USP39: variants seen among roughly 807,000 people sequenced by gnomAD.
USP39 encodes the protein ubiquitin specific peptidase 39, also known as ubiquitin carboxyl-terminal hydrolase 39.
Under a neutral mutation model 66.4 loss-of-function variants are expected in USP39, and 38 were observed. The ratio of observed to expected loss-of-function variants is 0.57; its 90% CI spans 0.44 to 0.75. The LOEUF (loss-of-function observed/expected upper bound fraction) is 0.75. USP39 is among the 30% of genes least tolerant of loss of function. USP39 has a pLI of 0.00. For synonymous variants in USP39, 303 were observed against 274.6 expected, an observed-to-expected ratio of 1.10 and a Z score of -1.02; for missense variants, 608 against 714.4, an observed-to-expected ratio of 0.85 and a Z score of 1.70.
At chr2:85,627,736 C>T (rs189121332) in intron 5 of USP39, among the ~76,000 whole-genome samples, 60 of 151,830 alleles carry the variant, frequency 4.0e-4, no homozygotes, top group African/African-American at 1.4e-3. Context: ...GAGTTCGAGG[C>T]TGTTGGAGAA....
chr2:85,645,227 T>G lies in USP39; in HGVS notation c.1563+144T>G. 3.4e-6 allele frequency: 4 copies of G among 1,171,310 alleles called. No homozygotes were observed. In the South Asian group the frequency reaches 6.3e-5, roughly 18 times the overall value. The allele number at this position is 1,171,310 out of a possible 1,614,324, so 72.6% of individuals were successfully genotyped here. A position where few individuals can be genotyped will look rare whatever the true frequency, so the allele number is the denominator to read the frequency against. On this transcript the variant is annotated intron_variant, in intron 11 of 12. Coordinates refer to ENST00000323701, the MANE Select transcript of USP39 (RefSeq NM_006590.4). ...AGTAATAGTGCTGTCAGTAGTTAGT[T>G]TAAGGCAGTGGTTCTCAATTTTGGC...
intron 2 of USP39, 178 bp from the exon 3 acceptor site, chr2:85,621,307 T>C: frequency 1.8e-6 from 1 of 565,132 alleles, no homozygotes; most frequent in South Asian, 2.1e-5. Context: ...CAACAGTGCT[T>C]TGGAGCATGG....
intron 1 of USP39, among the ~76,000 whole-genome samples, chr2:85,617,299 G>A (rs1288911317): frequency 6.6e-6 from 1 of 152,096 alleles, no homozygotes; most frequent in Admixed American, 6.6e-5. Context: ...CTGTAATCAA[G>A]ATATTCAGAA....
At chr2:85,609,342 T>C, upstream of USP39, 2 of 1,517,880 alleles carry the variant, frequency 1.3e-6, no homozygotes, top group Non-Finnish European at 1.8e-6. Context: ...CGCTTCCCAT[T>C]GGGGGTCCTG....
In USP39 at chr2:85,636,041, C is replaced by CT. The variant is rs770954035; in HGVS notation, c.950-5dup. On this transcript the variant is annotated splice_polypyrimidine_tract_variant and intron_variant, in intron 6 of 12. Coordinates refer to ENST00000323701, the MANE Select transcript of USP39 (RefSeq NM_006590.4). ...TTAGCTTCAACGTTTTCCACCCTTC[C>CT]TTTTTTTCCAGGAGATGGCGTTGAC... 8 of 1,611,892 alleles carry CT rather than the reference C, an allele frequency of 5.0e-6. No individual in the cohort carries two copies. Among genetic ancestry groups the CT allele is most frequent in the Non-Finnish European group, 5.1e-6 (6 of 1,178,016 alleles).
At chr2:85,612,202 A>G, upstream of USP39, 1 of 1,104,790 alleles carries the variant, frequency 9.1e-7, no homozygotes, top group Non-Finnish European at 1.3e-6. Context: ...CCCCGGACGG[A>G]GGGCTTTTGT....
upstream of USP39, chr2:85,612,337 G>A: frequency 6.5e-7 from 1 of 1,536,038 alleles, no homozygotes; most frequent in South Asian, 1.2e-5. Context: ...TGCTTACGGC[G>A]GTGCCTTCCC....
At chr2:85,620,491 C>A (rs1485557094) in intron 2 of USP39, among the ~76,000 whole-genome samples, 1 of 150,968 alleles carries the variant, frequency 6.6e-6, no homozygotes, top group African/African-American at 2.4e-5. Context: ...AAAAAAAAAA[C>A]CAAAAAAGTT....
chr2:85,641,748 C>G (rs989544562), intron 10 of USP39, among the ~76,000 whole-genome samples: 3 of 151,298 alleles, frequency 2.0e-5, no homozygotes, highest in Admixed American at 2.0e-4. Context: ...CAAAAAAATA[C>G]AAAAAATTAG....
At chr2:85,604,456 C>A (rs1026313249) in intron 1 of USP39, among the ~76,000 whole-genome samples, 1 of 152,182 alleles carries the variant, frequency 6.6e-6, no homozygotes, top group Non-Finnish European at 1.5e-5. Flanking sequence ...AGGTGATCCG[C>A]TCGCCTTGGC....
upstream of USP39, among the ~76,000 whole-genome samples, chr2:85,613,344 T>TA (rs932680471): frequency 3.0e-4 from 45 of 150,748 alleles, no homozygotes; most frequent in African/African-American, 8.5e-4. Context: ...CCGTCTCTAC[T>TA]AAAAAAAAAT....
At chr2:85,639,507 T>G (rs1573442115) in intron 9 of USP39, 116 bp downstream of exon 9, 1 of 1,114,738 alleles carries the variant, frequency 9.0e-7, no homozygotes, top group Non-Finnish European at 1.2e-6. Context: ...CAGGCTGGAG[T>G]GCAGTGGCGT....
At position 85,625,733 on chromosome 2, in the gene USP39, A is replaced by G. The variant is rs771856483; in HGVS notation, c.723+42A>G. ...AACATTGAGGAAGAGAAGGACACCC[A>G]GAAGGCTGAGCACAGTGGCTCACCC... is the stretch of plus-strand genomic sequence containing the variant. On this transcript the variant is annotated intron_variant, in intron 5 of 12. Coordinates refer to ENST00000323701, the MANE Select transcript of USP39 (RefSeq NM_006590.4). 14 of 1,599,822 alleles carry G rather than the reference A, an allele frequency of 8.8e-6. No individual in the cohort carries two copies. In the African/African-American group the frequency reaches 1.2e-4, roughly 14 times the overall value.
intron 2 of USP39, among the ~76,000 whole-genome samples, chr2:85,620,543 T>G (rs1674382877): frequency 6.6e-6 from 1 of 152,108 alleles, no homozygotes; most frequent in African/African-American, 2.4e-5. Context: ...CACCTGTGGC[T>G]TCAGTGGCTC....
chr2:85,631,333 T>TA (rs1675318449), intron 6 of USP39, among the ~76,000 whole-genome samples: 1 of 145,958 alleles, frequency 6.9e-6, no homozygotes, highest in African/African-American at 2.7e-5. Flanking sequence ...TTTTTTTTTT[T>TA]AAGAGACAGT....
rs768255282 is a variant in USP39 at position 85,616,238 on chromosome 2, G to A, written c.43G>A (p.Gly15Arg). The A allele has an allele frequency of 4.3e-5, 64 of 1,490,274 alleles. No homozygotes were observed. The Admixed American group carries it at 1.4e-3, about 33-fold the overall frequency. The allele number at this position is 1,490,274 out of a possible 1,614,324, so 92.3% of individuals were successfully genotyped here. The change falls in exon 1 of 13, where the codon GGG becomes AGG. Residue 15 changes from glycine to arginine, a missense_variant. Physicochemically the swap from Gly to Arg is moderately radical, Grantham distance 125. This residue lies in a region of USP39 where 207 missense variants were observed against 145.7 expected (regional missense o/e 1.42). Transcript: ENST00000323701. ...GCGGGAGTCTCGCGGTTCCACTCGC[G>A]GGAAGCGAGAGTCTGAGTCGCGGGG... is the stretch of plus-strand genomic sequence containing the variant. ...SKRESRGSTR[G>R]KRESESRGSS...
At position 85,625,520 on chromosome 2, in the gene USP39, A is replaced by G. The variant is rs765729451; in HGVS notation, c.571-19A>G. ...GAACTCAGCTCTTAAACAACTTAGCATTTTCTTTTGCTTTGCAGTATGTGT... is the reference window on the plus strand; with the variant it reads ...GAACTCAGCTCTTAAACAACTTAGCGTTTTCTTTTGCTTTGCAGTATGTGT... On this transcript the variant is annotated intron_variant, in intron 4 of 12. Coordinates refer to ENST00000323701, the MANE Select transcript of USP39 (RefSeq NM_006590.4). 4.6e-5 allele frequency: 75 copies of G among 1,612,912 alleles called. No individual in the cohort carries two copies. The highest frequency in any genetic ancestry group is 7.7e-5 in the South Asian group (7 of 91,012).
At chr2:85,616,180 T>C (rs748878333), upstream of USP39, 2 of 1,422,808 alleles carry the variant, frequency 1.4e-6, no homozygotes, top group African/African-American at 1.5e-5. Flanking sequence ...GCTGGACGAC[T>C]CGGCCGGTAG....
At chr2:85,643,717 G>C (rs1234383453) in intron 10 of USP39, among the ~76,000 whole-genome samples, 1 of 149,278 alleles carries the variant, frequency 6.7e-6, no homozygotes, top group Non-Finnish European at 1.5e-5. Flanking sequence ...GCGTTATCTC[G>C]GCTCACTGCA....
Sources: gnomAD v4.1 joint callset for allele counts (sites outside exome capture counted in the v4.1 genomes callset) on GRCh38, gnomAD v4.1.1 for gene constraint, gnomAD v4.1.1 regional missense constraint, MANE v1.5 for transcripts, NCBI Gene and HGNC (gene_info 2026-07-23, HGNC 2026-07-21) for gene names.